The following PCYT2 variants were observed in gnomAD, a reference collection of about 807,000 sequenced individuals.
The protein encoded by PCYT2 is ethanolamine-phosphate cytidylyltransferase.
PCYT2 carries 33 observed loss-of-function variants against 50.0 expected under a neutral mutation model. That is an observed-to-expected ratio of 0.66 (90% CI 0.50 to 0.88). The LOEUF is 0.88. Among genes scored for constraint, PCYT2 ranks in the 40% least tolerant of loss-of-function variants. The pLI is 0.00. For missense variants in PCYT2, 430 were observed against 519.7 expected, an observed-to-expected ratio of 0.83 and a Z score of 1.68; for synonymous variants, 240 against 203.7, an observed-to-expected ratio of 1.18 and a Z score of -1.52.
chr17:81,907,874 G>A lies in PCYT2; in HGVS notation c.408-17C>T. ...TTGCATTCTCTGGGGGACACAGTGG[G>A]AGTGGGGTCTCATCCTGGGACACTC... On this transcript the variant is annotated splice_polypyrimidine_tract_variant and intron_variant, in intron 4 of 12. Transcript: ENST00000538936. The A allele has an allele frequency of 6.3e-7, 1 of 1,591,912 alleles. No homozygotes were observed.
intron 7 of PCYT2, 69 bp downstream of exon 7, chr17:81,906,691 G>A: frequency 6.3e-7 from 1 of 1,598,152 alleles, no homozygotes; most frequent in Non-Finnish European, 8.6e-7. Context: ...GCCCCAAGGA[G>A]TCAAGTGAGG....
At chr17:81,907,406 C>G in intron 6 of PCYT2, 148 bp downstream of exon 6, 1 of 1,195,250 alleles carries the variant, frequency 8.4e-7, no homozygotes, top group Non-Finnish European at 1.2e-6. Context: ...GTGAGCCAAA[C>G]CTGGCAGTCA....
chr17:81,902,883 T>A lies in PCYT2; in HGVS notation c.*1950A>T. On this transcript the variant is annotated 3_prime_UTR_variant, in exon 13 of 13. Coordinates refer to ENST00000538936, the MANE Select transcript of PCYT2 (RefSeq NM_002861.5). ...CACCCCGCAGTTAATGGCAAACGAA[T>A]AAATAAATGAGGCGGCCTCGGAGTG... 1.3e-6 allele frequency: 1 copy of A among 755,192 alleles called. No individual in the cohort carries two copies. Among genetic ancestry groups the A allele is most frequent in the Non-Finnish European group, 2.0e-6 (1 of 500,436 alleles). The allele number at this position is 755,192 out of a possible 1,614,324, so 46.8% of individuals were successfully genotyped here.
In PCYT2 at chr17:81,911,322, C is replaced by T; in HGVS notation, c.34G>A (p.Ala12Thr). ...CTGCCCCCCGGGCCCGGCTGCTCTG[C>T]GCCGCCTGCAGCCCCGCGCCCGTTC... ...IRNGRGAAGG[A>T]EQPGPGGRRA... The change falls in exon 1 of 13, where the codon GCA (alanine) becomes ACA (threonine). Residue 12 changes from alanine to threonine, a missense_variant. Physicochemically the swap from Ala to Thr is moderately conservative, Grantham distance 58. This residue lies in a region of PCYT2 where 63 missense variants were observed against 37.5 expected (regional missense o/e 1.68). Transcript: ENST00000538936. 1 of 1,129,962 alleles carries T rather than the reference C, an allele frequency of 8.8e-7. No homozygotes were observed. Among genetic ancestry groups the T allele is most frequent in the Non-Finnish European group, 1.1e-6 (1 of 909,340 alleles). 70.0% of individuals were successfully genotyped at this position (1,129,962 alleles called of 1,614,324 possible). A position where few individuals can be genotyped will look rare whatever the true frequency, so the allele number is the denominator to read the frequency against.
chr17:81,902,366 CG>C lies in PCYT2; in HGVS notation c.*2466del. 1 of 1,340,620 alleles carries C rather than the reference CG, an allele frequency of 7.5e-7. No homozygotes were observed. Among genetic ancestry groups the C allele is most frequent in the Non-Finnish European group, 9.5e-7 (1 of 1,053,972 alleles). The allele number at this position is 1,340,620 out of a possible 1,614,324, so 83.0% of individuals were successfully genotyped here. ...GGCCTCGCGTGGTACAAGCCAGCGG[CG>C]GGGCACAGCTCCTACTCGGTGGGCC... On this transcript the variant is annotated 3_prime_UTR_variant, in exon 13 of 13. Coordinates refer to ENST00000538936, the MANE Select transcript of PCYT2 (RefSeq NM_002861.5).
In PCYT2 at chr17:81,910,928, G is replaced by C. The variant is rs140505995; in HGVS notation, c.89+339C>G. On this transcript the variant is annotated intron_variant, in intron 1 of 12. Coordinates refer to ENST00000538936, the MANE Select transcript of PCYT2 (RefSeq NM_002861.5). ...ACAGGGACGCTCGCCCGGAGGCCAG[G>C]GGAACCCCTGGACCGGAGCCGGGCA... 2.5e-3 allele frequency: 2,498 copies of C among 988,394 alleles called. 43 individuals carry two copies. In the African/African-American group the frequency reaches 0.04, roughly 16 times the overall value. The allele number at this position is 988,394 out of a possible 1,614,324, so 61.2% of individuals were successfully genotyped here. A position where few individuals can be genotyped will look rare whatever the true frequency, so the allele number is the denominator to read the frequency against.
chr17:81,908,705 C>G, intron 3 of PCYT2, 71 bp from the exon 4 acceptor site: 2 of 1,431,712 alleles, frequency 1.4e-6, no homozygotes, highest in African/African-American at 2.8e-5. Flanking sequence ...CCAGGACCCT[C>G]TCGGCCCCTG....
At chr17:81,908,164 T>C (rs576720930) in intron 4 of PCYT2, among the ~76,000 whole-genome samples, 1 of 151,712 alleles carries the variant, frequency 6.6e-6, no homozygotes, top group African/African-American at 2.4e-5. Context: ...CCTGCCTCCC[T>C]CACACCCACG....
Position 81,902,831 on chromosome 17 carries a change from G to C in PCYT2, c.*2002C>G. 1 of 1,281,892 alleles carries C rather than the reference G, an allele frequency of 7.8e-7. No individual in the cohort carries two copies. The allele number at this position is 1,281,892 out of a possible 1,614,324, so 79.4% of individuals were successfully genotyped here. A position where few individuals can be genotyped will look rare whatever the true frequency, so the allele number is the denominator to read the frequency against. On this transcript the variant is annotated 3_prime_UTR_variant, in exon 13 of 13. Transcript: ENST00000538936. ...ACCCCAGGCCCCTCCGGCGCGGGATGGCGCCCCAGGTCTCCCCTACTCCGC... is the reference window on the plus strand; with the variant it reads ...ACCCCAGGCCCCTCCGGCGCGGGATCGCGCCCCAGGTCTCCCCTACTCCGC...
chr17:81,907,578 C>T lies in PCYT2; in HGVS notation c.513G>A (p.Arg171=), dbSNP rs767941149. 2 of 1,611,804 alleles carry T rather than the reference C, an allele frequency of 1.2e-6. No homozygotes were observed. The highest frequency in any genetic ancestry group is 2.2e-5 in the East Asian group (1 of 44,812). ...HSSQEMSSEY[R]EYADSFGKCP... ...CCTTGCCAAAACTGTCTGCATACTC[C>T]CGGTACTCAGAGGACATCTCCTGCA... is the stretch of plus-strand genomic sequence containing the variant. The change falls in exon 6 of 13, where the codon CGG becomes CGA. Residue 171 remains arginine (R), a synonymous_variant. Coordinates refer to ENST00000538936, the MANE Select transcript of PCYT2 (RefSeq NM_002861.5).
intron 1 of PCYT2, among the ~76,000 whole-genome samples, chr17:81,910,492 T>G (rs1295228897): frequency 6.6e-6 from 1 of 152,034 alleles, no homozygotes; most frequent in East Asian, 1.9e-4. Context: ...CTGGACAGGC[T>G]GGAGGGGAGG....
chr17:81,901,823 C>CT lies in PCYT2; in HGVS notation c.*3009dup, dbSNP rs2039963512. Reference sequence around the variant, plus strand: ...GAGGGCCCCACAAGCCACATGGACTCTGATGCCTGGAGCCAAGAATACCCC... The same window carrying CT: ...GAGGGCCCCACAAGCCACATGGACTCTTGATGCCTGGAGCCAAGAATACCCC... On this transcript the variant is annotated 3_prime_UTR_variant, in exon 13 of 13. Coordinates refer to ENST00000538936, the MANE Select transcript of PCYT2 (RefSeq NM_002861.5). The CT allele has an allele frequency of 6.5e-6, 1 of 153,586 alleles. No individual in the cohort carries two copies. Among genetic ancestry groups the CT allele is most frequent in the Admixed American group, 6.5e-5 (1 of 15,330 alleles). 9.5% of individuals were successfully genotyped at this position (153,586 alleles called of 1,614,324 possible). A position where few individuals can be genotyped will look rare whatever the true frequency, so the allele number is the denominator to read the frequency against.
intron 8 of PCYT2, 65 bp downstream of exon 8, chr17:81,906,399 A>G (rs2040267564): frequency 3.3e-6 from 5 of 1,501,792 alleles, no homozygotes; most frequent in Non-Finnish European, 4.6e-6. Flanking sequence ...ACCTAACAGC[A>G]ACGCTTAGGG....
intron 6 of PCYT2, 86 bp downstream of exon 6, chr17:81,907,468 C>G: frequency 7.0e-7 from 1 of 1,434,444 alleles, no homozygotes; most frequent in Admixed American, 2.0e-5. Context: ...TCTGGGCTGG[C>G]CTTTCCCCAA....
intron 7 of PCYT2, 70 bp downstream of exon 7, chr17:81,906,690 A>T: frequency 6.3e-7 from 1 of 1,596,232 alleles, no homozygotes. Context: ...GGCCCCAAGG[A>T]GTCAAGTGAG....
rs1567890017 is a variant in PCYT2, at chr17:81,906,527, G to A, written c.696C>T (p.Phe232=). The change falls in exon 8 of 13, where the codon TTC becomes TTT. Residue 232 remains phenylalanine, a synonymous_variant. Coordinates refer to ENST00000538936, the MANE Select transcript of PCYT2 (RefSeq NM_002861.5). ...FDLFHIGHVD[F]LEKVHRLAER... ...CTGCCAGCCTGTGCACCTTCTCCAG[G>A]AAGTCCACATGCCCGATGTCTGCAC... is the stretch of plus-strand genomic sequence containing the variant. 2 of 1,613,520 alleles carry A rather than the reference G, an allele frequency of 1.2e-6. No individual in the cohort carries two copies. The highest frequency in any genetic ancestry group is 1.7e-6 in the Non-Finnish European group (2 of 1,179,934).
chr17:81,904,998 G>A (rs1485799155), intron 12 of PCYT2, 54 bp from the exon 13 acceptor site: 7 of 1,585,434 alleles, frequency 4.4e-6, no homozygotes, highest in South Asian at 1.1e-5. Flanking sequence ...GCTCCGAGGG[G>A]GAGGGCACGG....
intron 1 of PCYT2, 140 bp downstream of exon 1, chr17:81,911,127 C>G: frequency 1.0e-6 from 1 of 1,002,370 alleles, no homozygotes; most frequent in Non-Finnish European, 1.2e-6. Context: ...AGGCGAGCCC[C>G]GCAGCCTGCC....
chr17:81,902,731 G>A lies in PCYT2; in HGVS notation c.*2102C>T, dbSNP rs1253473346. ...CGTCTTCCTGTCCCTGCGCGCAGCC[G>A]ACTGCCTCGCCGCCTGAGCCCGGAC... On this transcript the variant is annotated 3_prime_UTR_variant, in exon 13 of 13. Transcript: ENST00000538936. 4.4e-6 allele frequency: 7 copies of A among 1,607,476 alleles called. No homozygotes were observed. The highest frequency in any genetic ancestry group is 5.9e-6 in the Non-Finnish European group (7 of 1,178,172).
Sources: gnomAD v4.1 joint callset for allele counts (sites outside exome capture counted in the v4.1 genomes callset) on GRCh38, gnomAD v4.1.1 for gene constraint, gnomAD v4.1.1 regional missense constraint, MANE v1.5 for transcripts, NCBI Gene and HGNC (gene_info 2026-07-23, HGNC 2026-07-21) for gene names.